Variants in RHOC observed in about 807,000 individuals in gnomAD.
RHOC encodes the protein ras homolog family member C.
Under a neutral mutation model 19.5 loss-of-function variants are expected in RHOC, and 13 were observed. The observed-to-expected ratio is 0.67, with a 90% CI of 0.43 to 1.06. The LOEUF is 1.06. Ranked by LOEUF, RHOC falls within the 50% of genes least tolerant of loss-of-function variation. RHOC has a pLI of 0.00. For missense variants in RHOC, 173 were observed against 256.9 expected (o/e 0.67, Z 2.23); for synonymous variants, 106 against 97.3 (o/e 1.09, Z -0.52).
At chr1:112,705,411 C>G in intron 1 of RHOC, 1 of 602,502 alleles carries the variant, frequency 1.7e-6, no homozygotes, top group Non-Finnish European at 3.0e-6. Flanking sequence ...AGCGAATACT[C>G]CAGCCCCAGG....
intron 1 of RHOC, chr1:112,706,625 G>A (rs958507264): frequency 1.3e-5 from 2 of 152,304 alleles, no homozygotes; most frequent in African/African-American, 4.8e-5. Flanking sequence ...CTGCCGAGCA[G>A]TGGCAGGCCC....
rs775128679 is a variant in RHOC at position 112,701,582 on chromosome 1, C to G, written c.540G>C (p.Gln180His). 6.2e-6 allele frequency: 10 copies of G among 1,613,968 alleles called. No homozygotes were observed. The highest frequency in any genetic ancestry group is 7.6e-6 in the Non-Finnish European group (9 of 1,179,990). Residue 180 changes from glutamine to histidine, a missense_variant, in exon 6 of 6, where the codon CAG becomes CAC. Gln to His is a conservative substitution (Grantham distance 24). Transcript: ENST00000339083. The stretch of plus-strand genomic sequence containing the variant: ...CCCTCCGACGCTTGTTCTTGCGGAC[C>G]TGGAGGCCAGCCCGAGTGGCCATCT... ...VFEMATRAGL[Q>H]VRKNKRRRGC...
At chr1:112,705,606 C>T (rs1245380122) in intron 1 of RHOC, 1 of 461,170 alleles carries the variant, frequency 2.2e-6, no homozygotes, top group East Asian at 6.8e-5. Flanking sequence ...GGCATTCACC[C>T]TGTCGGCAGA....
At chr1:112,705,788 G>T in intron 1 of RHOC, 1 of 410,240 alleles carries the variant, frequency 2.4e-6, no homozygotes, top group Non-Finnish European at 4.9e-6. Flanking sequence ...CAGTGTTGAT[G>T]GAGGGCAATC....
chr1:112,706,497 CACACACACACACA>C (rs1557780858), intron 1 of RHOC, among the ~76,000 whole-genome samples: 58 of 45,448 alleles, frequency 1.3e-3, no homozygotes, highest in African/African-American at 3.8e-3. Flanking sequence ...CACACACACA[CACACACACACACA>C]CACACACACA....
chr1:112,705,848 C>A, intron 1 of RHOC: 1 of 361,918 alleles, frequency 2.8e-6, no homozygotes, highest in South Asian at 2.0e-5. Context: ...CCACTGCTGT[C>A]CCCCCAGCAG....
chr1:112,706,352 A>T (rs544062862), intron 1 of RHOC: 1 of 151,286 alleles, frequency 6.6e-6, no homozygotes, highest in African/African-American at 2.5e-5. Flanking sequence ...CCAGTCCCAA[A>T]CCCCAGGATA....
rs756669632 is a variant in RHOC, at chr1:112,701,450, G to T, written c.*90C>A. 5 of 1,612,900 alleles carry T rather than the reference G, an allele frequency of 3.1e-6. No homozygotes were observed. The highest frequency in any genetic ancestry group is 1.7e-5 in the Admixed American group (1 of 59,816). ...AGGGAACTGAAAATGGGAGCCTTCA[G>T]CATGGAGCCCTCAGGAGGCTGGGGT... On this transcript the variant is annotated 3_prime_UTR_variant, in exon 6 of 6. Transcript: ENST00000339083.
At chr1:112,703,238 A>G (rs1674719428) in intron 3 of RHOC, 119 bp from the exon 4 acceptor site, 1 of 1,075,578 alleles carries the variant, frequency 9.3e-7, no homozygotes, top group East Asian at 2.6e-5. Context: ...CCTGCTATGC[A>G]CCAGGCATTA....
rs1193865220 is a variant in RHOC, at chr1:112,703,990, C to G, written c.-7-184G>C. On this transcript the variant is annotated intron_variant, in intron 2 of 5. Coordinates refer to ENST00000339083, the MANE Select transcript of RHOC (RefSeq NM_175744.5). ...AGCTTGAAATTCCTAATCTCTGGGT[C>G]AGGGACAGGTCTCCCTCGATGGGTT... 2.0e-5 allele frequency among the ~76,000 whole-genome samples: 3 copies of G among 152,180 alleles called. No homozygotes were observed. In the East Asian group the frequency reaches 5.8e-4, roughly 29 times the overall value.
At position 112,701,680 on chromosome 1, in the gene RHOC, C is replaced by A. The variant is rs1263606082; in HGVS notation, c.442G>T (p.Ala148Ser). 6.2e-7 allele frequency: 1 copy of A among 1,614,026 alleles called. No homozygotes were observed. Among genetic ancestry groups the A allele is most frequent in the Non-Finnish European group, 8.5e-7 (1 of 1,180,012 alleles). The change falls in exon 6 of 6, where the codon GCG becomes TCG. Residue 148 changes from alanine to serine, a missense_variant. Around this residue, in one of 2 missense-constraint regions of RHOC, gnomAD observed 81 missense variants for 85.8 expected, o/e 0.94. Coordinates refer to ENST00000339083, the MANE Select transcript of RHOC (RefSeq NM_175744.5). ...PVRSEEGRDMANRISAFGYLE... is the reference protein window; with the variant it reads ...PVRSEEGRDMSNRISAFGYLE... ...TAGCCAAAGGCACTGATCCGGTTCG[C>A]CATGTCCCGGCCTTCCTCAGACCGA...
In RHOC at chr1:112,703,032, T is replaced by C. The variant is rs111933338; in HGVS notation, c.244A>G (p.Met82Val). 1.2e-6 allele frequency: 2 copies of C among 1,612,630 alleles called. No homozygotes were observed. Among genetic ancestry groups the C allele is most frequent in the South Asian group, 1.1e-5 (1 of 91,046 alleles). Residue 82 changes from methionine (M) to valine (V), a missense_variant, in exon 4 of 6, where the codon ATG becomes GTG. Transcript: ENST00000339083. ...TCAGGGCTGTCGATGGAGAAGCACA[T>C]GAGGATGACATCAGTGTCCGGGTAG... is the stretch of plus-strand genomic sequence containing the variant. ...LSYPDTDVIL[M>V]CFSIDSPDSL...
chr1:112,703,614 G>A (rs941504605), intron 3 of RHOC, 30 bp downstream of exon 3: 1 of 1,589,762 alleles, frequency 6.3e-7, no homozygotes. Context: ...GGGTCTCAGG[G>A]TGGGGTGGGA....
intron 1 of RHOC, chr1:112,706,749 C>T (rs1674910272): frequency 6.6e-6 from 1 of 152,072 alleles, no homozygotes; most frequent in Non-Finnish European, 1.5e-5. Context: ...GCTGGGGCGT[C>T]TGAGTTGAAG....
At chr1:112,703,476 G>C (rs1674732051) in intron 3 of RHOC, 168 bp downstream of exon 3, 1 of 751,168 alleles carries the variant, frequency 1.3e-6, no homozygotes, top group African/African-American at 1.7e-5. Context: ...GAACCAGAAA[G>C]TATATCCAGG....
At chr1:112,703,945 C>A in intron 2 of RHOC, 139 bp from the exon 3 acceptor site, 1 of 729,410 alleles carries the variant, frequency 1.4e-6, no homozygotes, top group Non-Finnish European at 2.2e-6. Context: ...TCTGGCAAAA[C>A]ACCAATTGTG....
chr1:112,705,841 C>T, intron 1 of RHOC: 1 of 365,190 alleles, frequency 2.7e-6, no homozygotes, highest in Non-Finnish European at 5.5e-6. Flanking sequence ...GAGTATGCCA[C>T]TGCTGTCCCC....
intron 2 of RHOC, chr1:112,704,874 G>C (rs1557779616): frequency 5.1e-6 from 3 of 583,388 alleles, no homozygotes; most frequent in Non-Finnish European, 9.2e-6. Flanking sequence ...TGACTGAGAA[G>C]AATCCACCAG....
In RHOC at chr1:112,703,018, G is replaced by A. The variant is rs770593556; in HGVS notation, c.258C>T (p.Ile86=). 42 of 1,613,886 alleles carry A rather than the reference G, an allele frequency of 2.6e-5. No individual in the cohort carries two copies. The highest frequency in any genetic ancestry group is 1.3e-4 in the East Asian group (6 of 44,874). Residue 86 remains isoleucine (I), a synonymous_variant, in exon 4 of 6, where the codon ATC becomes ATT. Transcript: ENST00000339083. ...DTDVILMCFS[I]DSPDSLENIP... ...CCTCACCCAGGCTGTCAGGGCTGTC[G>A]ATGGAGAAGCACATGAGGATGACAT...
Sources: allele counts gnomAD v4.1 joint callset (sites outside exome capture counted in the v4.1 genomes callset), GRCh38; gene constraint gnomAD v4.1.1; regional missense constraint gnomAD v4.1.1; transcripts MANE v1.5; gene names NCBI Gene and HGNC (gene_info 2026-07-23, HGNC 2026-07-21).